The following SSBP2 variants were observed in gnomAD, a reference collection of about 807,000 sequenced individuals.
The protein encoded by SSBP2 is single-stranded DNA-binding protein 2.
SSBP2 carries 17 observed loss-of-function variants against 61.8 expected under a neutral mutation model. The observed-to-expected ratio is 0.28, with a 90% CI of 0.19 to 0.41. SSBP2 has a LOEUF of 0.41. Among genes scored for constraint, SSBP2 ranks in the 10% least tolerant of loss-of-function variants. SSBP2 has a pLI of 1.00. For missense variants in SSBP2, 310 were observed against 458.7 expected, an observed-to-expected ratio of 0.68 and a Z score of 2.96; for synonymous variants, 139 against 141.3, an observed-to-expected ratio of 0.98 and a Z score of 0.12.
intron 1 of SSBP2, among the ~76,000 whole-genome samples, chr5:81,707,829 T>C (rs946052750): frequency 2.6e-5 from 4 of 152,142 alleles, no homozygotes; most frequent in African/African-American, 4.8e-5. Context: ...GTTGTGAGGA[T>C]AGAACTTAAC....
intron 10 of SSBP2, among the ~76,000 whole-genome samples, chr5:81,455,656 T>A (rs1427903014): frequency 2.2e-3 from 230 of 104,076 alleles, no homozygotes; most frequent in Middle Eastern, 6.8e-3. Context: ...AAAAAAAAAA[T>A]CCTCCTTCTA....
At chr5:81,614,336 G>C (rs369807247) in intron 4 of SSBP2, among the ~76,000 whole-genome samples, 1 of 133,510 alleles carries the variant, frequency 7.5e-6, no homozygotes, top group East Asian at 2.3e-4. Flanking sequence ...CTCCAACCTG[G>C]GAGACACAGC....
At chr5:81,587,444 G>A (rs934614493) in intron 4 of SSBP2, among the ~76,000 whole-genome samples, 4 of 152,108 alleles carry the variant, frequency 2.6e-5, no homozygotes, top group African/African-American at 4.8e-5. Context: ...AAAAACTACC[G>A]CTTGGGGTTG....
intron 4 of SSBP2, among the ~76,000 whole-genome samples, chr5:81,527,886 C>T (rs1770077509): frequency 1.4e-5 from 2 of 146,502 alleles, no homozygotes; most frequent in Admixed American, 6.7e-5. Flanking sequence ...GTATGTATCC[C>T]AGAACTTAAA....
Position 81,597,686 on chromosome 5 carries a change from T to G in SSBP2, c.282+17787A>C, listed in dbSNP as rs1246704338. ...TGGAATACTATGCAGCCATAAAAAATGATGAGTTCATGTCCTTTGTAGGGA... is the reference window on the plus strand; with the variant it reads ...TGGAATACTATGCAGCCATAAAAAAGGATGAGTTCATGTCCTTTGTAGGGA... On this transcript the variant is annotated intron_variant, in intron 4 of 16. Transcript: ENST00000320672. 5.9e-5 allele frequency among the ~76,000 whole-genome samples: 9 copies of G among 151,976 alleles called. No homozygotes were observed. The East Asian group carries it at 1.4e-3, about 23-fold the overall frequency.
intron 4 of SSBP2, among the ~76,000 whole-genome samples, chr5:81,604,697 GCA>G (rs1744706945): frequency 6.6e-6 from 1 of 152,108 alleles, no homozygotes; most frequent in Admixed American, 6.6e-5. Context: ...GCATTAGCTT[GCA>G]CAGTCTTGCT....
At chr5:81,589,703 T>A (rs950183139) in intron 4 of SSBP2, among the ~76,000 whole-genome samples, 1 of 152,194 alleles carries the variant, frequency 6.6e-6, no homozygotes, top group Non-Finnish European at 1.5e-5. Flanking sequence ...TGTGTTGCCA[T>A]AACAGAACGC....
chr5:81,639,721 A>G (rs1234163134), intron 2 of SSBP2, among the ~76,000 whole-genome samples: 1 of 152,164 alleles, frequency 6.6e-6, no homozygotes, highest in Non-Finnish European at 1.5e-5. Flanking sequence ...AAATATGCCC[A>G]GAGGCCCTTA....
intron 1 of SSBP2, among the ~76,000 whole-genome samples, chr5:81,699,020 A>T (rs1299529642): frequency 6.6e-6 from 1 of 152,206 alleles, no homozygotes; most frequent in Admixed American, 6.5e-5. Context: ...AGTCACATGA[A>T]TTTTTTAGCT....
chr5:81,622,096 T>TA (rs562591024), intron 3 of SSBP2, among the ~76,000 whole-genome samples: 1,692 of 140,722 alleles, frequency 0.012, 23 homozygotes, highest in South Asian at 0.034. Context: ...CCCTAAAACT[T>TA]AGAGTATAAT....
At chr5:81,653,790 G>GT (rs773044288) in intron 1 of SSBP2, among the ~76,000 whole-genome samples, 2 of 152,054 alleles carry the variant, frequency 1.3e-5, no homozygotes, top group South Asian at 4.1e-4. Flanking sequence ...TTTTGATGGA[G>GT]TTTTTTCTTG....
chr5:81,446,511 CTAATGAATCCATG>C (rs1763410595), intron 12 of SSBP2, among the ~76,000 whole-genome samples: 1 of 151,988 alleles, frequency 6.6e-6, no homozygotes, highest in African/African-American at 2.4e-5. Context: ...CATTTTAAAC[CTAATGAATCCATG>C]TATTTAATGT....
At chr5:81,490,369 A>T (rs556277435) in intron 5 of SSBP2, among the ~76,000 whole-genome samples, 41 of 152,178 alleles carry the variant, frequency 2.7e-4, no homozygotes, top group African/African-American at 9.9e-4. Flanking sequence ...TTTTTCTAGA[A>T]ACAACAGAAA....
At chr5:81,501,525 C>G (rs1767764900) in intron 5 of SSBP2, among the ~76,000 whole-genome samples, 1 of 147,928 alleles carries the variant, frequency 6.8e-6, no homozygotes, top group Non-Finnish European at 1.5e-5. Flanking sequence ...TTCAGTTACT[C>G]TATTCCCTGG....
intron 1 of SSBP2, among the ~76,000 whole-genome samples, chr5:81,725,813 A>C (rs924330153): frequency 2.0e-5 from 3 of 152,174 alleles, no homozygotes; most frequent in Non-Finnish European, 1.5e-5. Context: ...AGGAGGCACT[A>C]GGGGAGGAAT....
intron 16 of SSBP2, among the ~76,000 whole-genome samples, chr5:81,425,138 T>C (rs1003531942): frequency 6.6e-6 from 1 of 152,182 alleles, no homozygotes; most frequent in African/African-American, 2.4e-5. Flanking sequence ...AACTTGTGAT[T>C]TTTTCCTTAT....
intron 1 of SSBP2, among the ~76,000 whole-genome samples, chr5:81,658,225 A>G (rs1449255572): frequency 6.6e-6 from 1 of 152,078 alleles, no homozygotes; most frequent in Non-Finnish European, 1.5e-5. Context: ...AATCCTCCCT[A>G]CTGCCAGCCC....
chr5:81,564,267 G>A (rs1402822676), intron 4 of SSBP2, among the ~76,000 whole-genome samples: 1 of 152,114 alleles, frequency 6.6e-6, no homozygotes, highest in African/African-American at 2.4e-5. Context: ...GGAGAAACTG[G>A]AACCCTTGCA....
At chr5:81,433,891 G>A (rs1277618179) in intron 15 of SSBP2, among the ~76,000 whole-genome samples, 1 of 152,232 alleles carries the variant, frequency 6.6e-6, no homozygotes, top group Non-Finnish European at 1.5e-5. Context: ...CCATCCAAGT[G>A]CAATTGATAG....
Sources: gnomAD v4.1 joint callset for allele counts (sites outside exome capture counted in the v4.1 genomes callset) on GRCh38, gnomAD v4.1.1 for gene constraint, MANE v1.5 for transcripts, NCBI Gene and HGNC (gene_info 2026-07-23, HGNC 2026-07-21) for gene names.